Variants in NRXN3 observed in about 807,000 individuals in gnomAD.
NRXN3 encodes the protein neurexin III.
In NRXN3, 32 loss-of-function variants were observed where a neutral mutation model predicts 137.6. The ratio of observed to expected loss-of-function variants is 0.23; its 90% CI spans 0.18 to 0.31. NRXN3 has a LOEUF of 0.31. NRXN3 is among the 10% of genes least tolerant of loss of function. NRXN3 has a pLI of 1.00. For missense variants in NRXN3, 1,574 were observed against 2,062.5 expected (o/e 0.76, Z 4.59); for synonymous variants, 798 against 784.5 (o/e 1.02, Z -0.29).
intron 8 of NRXN3, among the ~76,000 whole-genome samples, chr14:78,777,947 GA>G (rs201240191): frequency 0.036 from 5,521 of 152,138 alleles, 160 homozygotes; most frequent in South Asian, 0.1. Flanking sequence ...AGTTTTAGTA[GA>G]GACAGGGTTT....
At chr14:79,689,331 TTCAG>T (rs2098707602) in intron 17 of NRXN3, among the ~76,000 whole-genome samples, 2 of 152,126 alleles carry the variant, frequency 1.3e-5, no homozygotes, top group South Asian at 4.1e-4. Flanking sequence ...TTGTTTGCGC[TTCAG>T]TCAAACTAGC....
chr14:78,261,322 C>T (rs1235579735), intron 2 of NRXN3, among the ~76,000 whole-genome samples: 1 of 152,168 alleles, frequency 6.6e-6, no homozygotes, highest in Non-Finnish European at 1.5e-5. Flanking sequence ...TGCTCTGATC[C>T]TGATTCAGAC....
chr14:79,434,882 C>T (rs977074205), intron 15 of NRXN3, among the ~76,000 whole-genome samples: 1 of 152,158 alleles, frequency 6.6e-6, no homozygotes, highest in East Asian at 1.9e-4. Context: ...GTCTTTGTAC[C>T]TCCCGTGCCC....
intron 2 of NRXN3, among the ~76,000 whole-genome samples, chr14:78,273,125 T>G (rs1033138095): frequency 2.0e-5 from 3 of 152,208 alleles, no homozygotes; most frequent in African/African-American, 7.2e-5. Context: ...GGATTAATAT[T>G]GCTTTTATCC....
chr14:79,516,159 G>A (rs569165054), intron 16 of NRXN3, among the ~76,000 whole-genome samples: 2 of 152,230 alleles, frequency 1.3e-5, no homozygotes, highest in East Asian at 1.9e-4. Flanking sequence ...AGTCATTAGC[G>A]CTCCATCTAA....
chr14:78,514,791 G>A lies in NRXN3; in HGVS notation c.758-130329G>A, dbSNP rs714791. ...GTGACTATAAGGGTCAAACACCATT[G>A]TAGAGAGGAAAATCAGGGAGGACCA... On this transcript the variant is annotated intron_variant, in intron 4 of 20. Coordinates refer to ENST00000335750, the MANE Select transcript of NRXN3 (RefSeq NM_001330195.2). 4.4e-3 allele frequency among the ~76,000 whole-genome samples: 672 copies of A among 152,264 alleles called. 31 individuals are homozygous for A. In the East Asian group the frequency reaches 0.087, roughly 20 times the overall value.
chr14:78,326,147 C>T (rs1347667936), intron 4 of NRXN3, among the ~76,000 whole-genome samples: 1 of 152,142 alleles, frequency 6.6e-6, no homozygotes, highest in African/African-American at 2.4e-5. Flanking sequence ...GGGGAGCCAT[C>T]CCTAGAAAGC....
intron 16 of NRXN3, among the ~76,000 whole-genome samples, chr14:79,483,842 C>G (rs909989939): frequency 6.6e-6 from 1 of 152,098 alleles, no homozygotes; most frequent in Non-Finnish European, 1.5e-5. Context: ...TCTGTGCACT[C>G]AAACTCTACA....
chr14:79,607,877 C>T (rs755122291), intron 16 of NRXN3, among the ~76,000 whole-genome samples: 1 of 152,028 alleles, frequency 6.6e-6, no homozygotes, highest in African/African-American at 2.4e-5. Flanking sequence ...CACTATGTTG[C>T]CCAGGCTGGT....
intron 10 of NRXN3, among the ~76,000 whole-genome samples, chr14:78,817,728 A>C (rs952765706): frequency 3.9e-5 from 6 of 152,148 alleles, no homozygotes; most frequent in African/African-American, 1.4e-4. Flanking sequence ...CCCACTCTAA[A>C]GGGTACTGAT....
intron 16 of NRXN3, among the ~76,000 whole-genome samples, chr14:79,576,947 G>T (rs1418201916): frequency 6.6e-6 from 1 of 152,014 alleles, no homozygotes; most frequent in Non-Finnish European, 1.5e-5. Flanking sequence ...ATATGGTTTG[G>T]CTGTATCCCC....
intron 10 of NRXN3, among the ~76,000 whole-genome samples, chr14:78,926,701 ATATAT>A (rs1435503635): frequency 1.1e-5 from 1 of 89,104 alleles, no homozygotes; most frequent in East Asian, 3.3e-4. Flanking sequence ...TATATAAAAT[ATATAT>A]TATATATTAT....
chr14:79,846,662 A>C (rs968367918), intron 20 of NRXN3, among the ~76,000 whole-genome samples: 3 of 152,172 alleles, frequency 2.0e-5, no homozygotes, highest in Non-Finnish European at 4.4e-5. Flanking sequence ...TTCTATCCCA[A>C]AATCTCTATT....
intron 4 of NRXN3, among the ~76,000 whole-genome samples, chr14:78,372,766 A>G (rs2087102113): frequency 1.3e-5 from 2 of 152,266 alleles, no homozygotes; most frequent in African/African-American, 4.8e-5. Context: ...TGTTGAAAAC[A>G]TCATGCAGAG....
At chr14:78,893,366 TCTC>T (rs752879415) in intron 10 of NRXN3, among the ~76,000 whole-genome samples, 3 of 151,994 alleles carry the variant, frequency 2.0e-5, no homozygotes, top group Non-Finnish European at 2.9e-5. Flanking sequence ...GCCAGCTTGT[TCTC>T]CTTCTATTGA....
At chr14:79,513,084 G>A (rs1196538423) in intron 16 of NRXN3, among the ~76,000 whole-genome samples, 4 of 152,150 alleles carry the variant, frequency 2.6e-5, no homozygotes, top group Non-Finnish European at 4.4e-5. Flanking sequence ...GGATTTGCTG[G>A]GTAACCTGGG....
chr14:79,444,938 T>G (rs1310035416), intron 15 of NRXN3, among the ~76,000 whole-genome samples: 2 of 152,246 alleles, frequency 1.3e-5, no homozygotes, highest in Non-Finnish European at 2.9e-5. Flanking sequence ...CAGGTTTACC[T>G]GAACTCCAAG....
intron 15 of NRXN3, among the ~76,000 whole-genome samples, chr14:79,089,115 C>T (rs1005318706): frequency 6.6e-6 from 1 of 152,226 alleles, no homozygotes; most frequent in African/African-American, 2.4e-5. Flanking sequence ...CCCTATGTCC[C>T]ACCTGTTTTG....
chr14:78,747,058 G>A (rs1248892760), intron 8 of NRXN3, among the ~76,000 whole-genome samples: 1 of 152,156 alleles, frequency 6.6e-6, no homozygotes, highest in African/African-American at 2.4e-5. Flanking sequence ...CACCATTTTA[G>A]AGAGGAAGAA....
Sources: allele counts gnomAD v4.1 joint callset (sites outside exome capture counted in the v4.1 genomes callset), GRCh38; gene constraint gnomAD v4.1.1; transcripts MANE v1.5; gene names NCBI Gene and HGNC (gene_info 2026-07-23, HGNC 2026-07-21).